The following FAM228B variants were observed in gnomAD, a reference collection of about 807,000 sequenced individuals.
The protein encoded by FAM228B is family with sequence similarity 228 member B.
Under a neutral mutation model 42.6 loss-of-function variants are expected in FAM228B, and 38 were observed. The observed-to-expected ratio is 0.89, with a 90% CI of 0.69 to 1.17. The LOEUF (loss-of-function observed/expected upper bound fraction) is 1.17. Ranked by LOEUF, FAM228B falls within the 50% of genes most tolerant of loss-of-function variation. FAM228B has a pLI of 0.00. For missense variants in FAM228B, 344 were observed against 367.3 expected (o/e 0.94, Z 0.52); for synonymous variants, 109 against 122.3 (o/e 0.89, Z 0.72).
Position 24,167,697 on chromosome 2 carries a change from C to G in FAM228B, c.*14+14C>G, listed in dbSNP as rs1390420909. On this transcript the variant is annotated intron_variant, in intron 10 of 10. Coordinates refer to ENST00000615575, the MANE Select transcript of FAM228B (RefSeq NM_001145710.2). Reference sequence around the variant, plus strand: ...AAGAAGAGGGAGGTAGATGTCTTCTCTCTTTCCCTTCTTACTCTCCTATTC... The same window carrying G: ...AAGAAGAGGGAGGTAGATGTCTTCTGTCTTTCCCTTCTTACTCTCCTATTC... The G allele has an allele frequency of 5.2e-6, 8 of 1,551,252 alleles. No individual in the cohort carries two copies. The highest frequency in any genetic ancestry group is 6.1e-6 in the Non-Finnish European group (7 of 1,146,642).
At chr2:24,089,495 G>A (rs752456469) in intron 2 of FAM228B, among the ~76,000 whole-genome samples, 11 of 152,142 alleles carry the variant, frequency 7.2e-5, no homozygotes, top group Non-Finnish European at 1.2e-4. Flanking sequence ...GCCTCATTCT[G>A]TTGATGTTGG....
chr2:24,104,735 T>C (rs1028904234), intron 3 of FAM228B, among the ~76,000 whole-genome samples: 1 of 152,162 alleles, frequency 6.6e-6, no homozygotes, highest in African/African-American at 2.4e-5. Flanking sequence ...TGCTTCTGTG[T>C]GGATTCAACT....
chr2:24,165,135 T>C (rs1216796646), intron 9 of FAM228B, among the ~76,000 whole-genome samples: 5 of 152,138 alleles, frequency 3.3e-5, no homozygotes, highest in African/African-American at 1.2e-4. Context: ...TGGGAATTTC[T>C]TGCATTTGAA....
intron 7 of FAM228B, among the ~76,000 whole-genome samples, chr2:24,157,244 T>A (rs201447612): frequency 1.3e-5 from 2 of 152,192 alleles, no homozygotes; most frequent in Non-Finnish European, 2.9e-5. Flanking sequence ...TGTGGCCTAT[T>A]ATATGGTCTA....
At chr2:24,139,305 C>G in intron 4 of FAM228B, 65 bp from the exon 5 acceptor site, 1 of 936,870 alleles carries the variant, frequency 1.1e-6, no homozygotes, top group South Asian at 1.6e-5. Flanking sequence ...CTCTCAAGTC[C>G]TGATATGCTC....
At chr2:24,129,437 AC>A (rs1231420965) in intron 2 of FAM228B, among the ~76,000 whole-genome samples, 1 of 147,652 alleles carries the variant, frequency 6.8e-6, no homozygotes, top group Admixed American at 6.8e-5. Flanking sequence ...CCATTCTTTT[AC>A]TCCTCACTTC....
At chr2:24,138,123 T>C (rs754664384) in intron 4 of FAM228B, 23 bp downstream of exon 4, 11 of 1,488,080 alleles carry the variant, frequency 7.4e-6, no homozygotes, top group Non-Finnish European at 9.0e-6. Flanking sequence ...CATTTGATGC[T>C]TTTTTCAGTT....
At chr2:24,168,392 T>G (rs969641155) in intron 10 of FAM228B, among the ~76,000 whole-genome samples, 3 of 152,220 alleles carry the variant, frequency 2.0e-5, no homozygotes, top group African/African-American at 7.2e-5. Flanking sequence ...AAGTATGTGC[T>G]GCTGCAGAGG....
At chr2:24,090,309 C>T (rs1163850767) in intron 2 of FAM228B, among the ~76,000 whole-genome samples, 1 of 151,792 alleles carries the variant, frequency 6.6e-6, no homozygotes, top group Non-Finnish European at 1.5e-5. Flanking sequence ...AGGACTGGCA[C>T]GGTGGCTCAA....
chr2:24,130,836 C>G, intron 2 of FAM228B, among the ~76,000 whole-genome samples: 1 of 152,122 alleles, frequency 6.6e-6, no homozygotes, highest in East Asian at 1.9e-4. Flanking sequence ...GCTTTTGTTG[C>G]AATTGCTTTT....
At chr2:24,106,511 G>A (rs1432662430) in intron 3 of FAM228B, among the ~76,000 whole-genome samples, 1 of 151,672 alleles carries the variant, frequency 6.6e-6, no homozygotes, top group Non-Finnish European at 1.5e-5. Context: ...GTAGAGACAG[G>A]GTTTTGCTGT....
intron 2 of FAM228B, among the ~76,000 whole-genome samples, chr2:24,127,869 G>A (rs563225721): frequency 2.6e-5 from 4 of 152,226 alleles, no homozygotes; most frequent in South Asian, 4.1e-4. Flanking sequence ...CACCATGTTG[G>A]CCAAGCTGAT....
chr2:24,099,309 T>G (rs1325304517), intron 3 of FAM228B, among the ~76,000 whole-genome samples: 1 of 152,166 alleles, frequency 6.6e-6, no homozygotes, highest in Non-Finnish European at 1.5e-5. Context: ...GGGTATTCAA[T>G]CAGGAAATGA....
chr2:24,143,996 C>CAAA (rs59639444), intron 5 of FAM228B, among the ~76,000 whole-genome samples: 3 of 129,272 alleles, frequency 2.3e-5, no homozygotes, highest in Admixed American at 1.5e-4. Context: ...CAGCAGTCTC[C>CAAA]AAAAAAAAAA....
intron 10 of FAM228B, chr2:24,168,105 AGATGCTCAT>A: frequency 5.1e-6 from 1 of 196,104 alleles, no homozygotes; most frequent in African/African-American, 2.3e-5. Context: ...GTATCTTTGT[AGATGCTCAT>A]CCTATACCCA....
In FAM228B at chr2:24,169,408, A is replaced by G. The variant is rs751416824; in HGVS notation, c.*67A>G. 1.3e-5 allele frequency: 6 copies of G among 460,196 alleles called. No individual in the cohort carries two copies. The highest frequency in any genetic ancestry group is 2.7e-5 in the Non-Finnish European group (6 of 218,488). The allele number at this position is 460,196 out of a possible 1,614,324, so 28.5% of individuals were successfully genotyped here. On this transcript the variant is annotated 3_prime_UTR_variant, in exon 11 of 11. Coordinates refer to ENST00000615575, the MANE Select transcript of FAM228B (RefSeq NM_001145710.2). The surrounding 1 kb of genome is among the most constrained non-coding windows in gnomAD (Gnocchi z 4.2). ...TGATCCTTGATTGGTGAAAGGATAC[A>G]CAAAATCAGGCTGCTTCAGAGGAAG...
intron 3 of FAM228B, among the ~76,000 whole-genome samples, chr2:24,112,851 A>G (rs1665820252): frequency 1.3e-5 from 2 of 151,976 alleles, no homozygotes; most frequent in Non-Finnish European, 2.9e-5. Context: ...ACCTCTCACC[A>G]TTCTTTCCAC....
intron 2 of FAM228B, among the ~76,000 whole-genome samples, chr2:24,124,950 C>T (rs1345367105): frequency 2.0e-5 from 3 of 152,200 alleles, no homozygotes; most frequent in African/African-American, 7.2e-5. Flanking sequence ...AATCCACCTA[C>T]CGTGGTGTTC....
intron 5 of FAM228B, among the ~76,000 whole-genome samples, chr2:24,144,404 C>T (rs1037352484): frequency 2.4e-4 from 37 of 152,246 alleles, no homozygotes; most frequent in African/African-American, 7.9e-4. Flanking sequence ...CCAGCCTGGA[C>T]GACAGAGCGA....
Sources: allele counts gnomAD v4.1 joint callset (sites outside exome capture counted in the v4.1 genomes callset), GRCh38; gene constraint gnomAD v4.1.1; non-coding constraint Gnocchi (gnomAD v3.1); transcripts MANE v1.5; gene names NCBI Gene and HGNC (gene_info 2026-07-23, HGNC 2026-07-21).